The following MYH8 variants were observed in gnomAD, a reference collection of about 807,000 sequenced individuals.
MYH8 encodes myosin heavy chain 8.
A neutral mutation model predicts 233.2 loss-of-function variants in MYH8; 168 were observed. The observed-to-expected ratio is 0.72, with a 90% CI of 0.64 to 0.82. MYH8 has a LOEUF of 0.82. Ranked by LOEUF, MYH8 falls within the 40% of genes least tolerant of loss-of-function variation. The pLI is 0.00. For synonymous variants in MYH8, 785 were observed against 850.6 expected (o/e 0.92, Z 1.34); for missense variants, 1,995 against 2,327.8 (o/e 0.86, Z 2.94).
rs111567318 is a variant in MYH8 at position 10,392,597 on chromosome 17, T to G, written c.5513A>C (p.Glu1838Ala). ...EVENEQKRNAEAVKGLRKHER... is the reference protein window; with the variant it reads ...EVENEQKRNAAAVKGLRKHER... ...ATGTTTCCGTAAACCTTTAACAGCC[T>G]CTGCATTACGTTTCTGTTCATTTTC... The change falls in exon 38 of 40, where the codon GAG becomes GCG. Residue 1838 changes from glutamate to alanine, a missense_variant. By Grantham distance (107) the Glu-to-Ala change is moderately radical. This residue lies in a region of MYH8 where 1,498 missense variants were observed against 1,680.9 expected (regional missense o/e 0.89). Coordinates refer to ENST00000403437, the MANE Select transcript of MYH8 (RefSeq NM_002472.3). 9,183 of 1,614,214 alleles carry G rather than the reference T, an allele frequency of 5.7e-3. 43 individuals are homozygous for G. The highest frequency in any genetic ancestry group is 6.8e-3 in the Non-Finnish European group (8,064 of 1,180,030).
chr17:10,400,390 C>T lies in MYH8; in HGVS notation c.3735G>A (p.Lys1245=), dbSNP rs1313402800. Reference sequence around the variant, plus strand: ...TTCATTTAGAGACAGTATTGGGTACCTTGGCTTTGGAAATGGCCTCTGCGT... The same window carrying T: ...TTCATTTAGAGACAGTATTGGGTACTTTGGCTTTGGAAATGGCCTCTGCGT... ...SSNAEAISKA[K]GNLEKMCRSL... The change falls in exon 27 of 40, where the codon AAG becomes AAA. Residue 1245 remains lysine (K), a splice_region_variant and synonymous_variant. Transcript: ENST00000403437. This position sits in a 1 kb window ranked among gnomAD's most constrained non-coding sequence, Gnocchi z 4.0. The T allele has an allele frequency of 1.2e-6, 2 of 1,612,420 alleles. No homozygotes were observed. The highest frequency in any genetic ancestry group is 1.1e-5 in the South Asian group (1 of 91,062).
chr17:10,415,248 A>G lies in MYH8; in HGVS notation c.741+44T>C. On this transcript the variant is annotated intron_variant, in intron 8 of 39. Coordinates refer to ENST00000403437, the MANE Select transcript of MYH8 (RefSeq NM_002472.3). The surrounding 1 kb of genome is among the most constrained non-coding windows in gnomAD (Gnocchi z 4.1). ...AGATGCAAATGAAATAATAATTCAG[A>G]CGTGGCTACTCTGGAAGTTAGGGGT... The G allele has an allele frequency of 1.2e-6, 2 of 1,602,730 alleles. No individual in the cohort carries two copies. Among genetic ancestry groups the G allele is most frequent in the Non-Finnish European group, 1.7e-6 (2 of 1,169,680 alleles).
rs1212025624 is a variant in MYH8, at chr17:10,404,183, C to A, written c.2688+147G>T. On this transcript the variant is annotated intron_variant, in intron 22 of 39. Transcript: ENST00000403437. ...CTTGGAAATAATTGTGCCTTTTCTTCCCCATAGAATACTAAAAGATAAATG... is the reference window on the plus strand; with the variant it reads ...CTTGGAAATAATTGTGCCTTTTCTTACCCATAGAATACTAAAAGATAAATG... The A allele has an allele frequency of 6.3e-6, 6 of 951,690 alleles. No homozygotes were observed. The Admixed American group carries it at 1.6e-4, about 26-fold the overall frequency. The allele number at this position is 951,690 out of a possible 1,614,324, so 59.0% of individuals were successfully genotyped here.
At chr17:10,416,079 C>T (rs1045831819) in intron 5 of MYH8, among the ~76,000 whole-genome samples, 2 of 152,146 alleles carry the variant, frequency 1.3e-5, no homozygotes, top group African/African-American at 2.4e-5. Flanking sequence ...CAAACTGAAA[C>T]TCTGTGTCCC....
intron 16 of MYH8, 40 bp downstream of exon 16, chr17:10,409,239 T>G (rs2072222007): frequency 3.7e-6 from 6 of 1,613,478 alleles, no homozygotes; most frequent in Non-Finnish European, 5.1e-6. Context: ...TAACATTATG[T>G]GAGAATGGAT....
Position 10,419,923 on chromosome 17 carries a change from C to T in MYH8, c.210+95G>A, listed in dbSNP as rs1273706155. The T allele has an allele frequency of 1.4e-5, 18 of 1,330,172 alleles. No individual in the cohort carries two copies. Among genetic ancestry groups the T allele is most frequent in the Non-Finnish European group, 1.7e-5 (16 of 925,378 alleles). 82.4% of individuals were successfully genotyped at this position (1,330,172 alleles called of 1,614,324 possible). ...TCAACACTGACTAGAAGGGTGTTTGCATTGGCAACAGGCTTGGAGATTCCC... is the reference window on the plus strand; with the variant it reads ...TCAACACTGACTAGAAGGGTGTTTGTATTGGCAACAGGCTTGGAGATTCCC... On this transcript the variant is annotated intron_variant, in intron 3 of 39. Transcript: ENST00000403437. The surrounding 1 kb of genome is among the most constrained non-coding windows in gnomAD (Gnocchi z 4.0).
At chr17:10,404,975 G>A (rs920253148) in intron 21 of MYH8, among the ~76,000 whole-genome samples, 9 of 152,152 alleles carry the variant, frequency 5.9e-5, no homozygotes, top group African/African-American at 2.2e-4. Context: ...GTGATTGCAT[G>A]TTGATTGTGC....
At chr17:10,418,513 G>GT (rs1445655452) in intron 5 of MYH8, 132 bp downstream of exon 5, 10 of 1,542,314 alleles carry the variant, frequency 6.5e-6, no homozygotes, top group Admixed American at 1.7e-5. Flanking sequence ...AGCTGTGAAA[G>GT]TTTTTTGAAA....
chr17:10,405,129 A>G (rs1567685589), intron 21 of MYH8, among the ~76,000 whole-genome samples: 1 of 152,154 alleles, frequency 6.6e-6, no homozygotes, highest in African/African-American at 2.4e-5. Context: ...TATCCACTCT[A>G]TAAACTTTTT....
In MYH8 at chr17:10,393,991, C is replaced by CTTTTTTTTTTTT. The variant is rs35512526; in HGVS notation, c.5166+246_5166+257dup. Reference sequence around the variant, plus strand: ...TTATTTTTAAATAAAAAAGTAATAGCTTTTTTTTTTTTTTTTTTTTTTTTT... The same window carrying CTTTTTTTTTTTT: ...TTATTTTTAAATAAAAAAGTAATAGCTTTTTTTTTTTTTTTTTTTTTTTTTTTTTTTTTTTTT... On this transcript the variant is annotated intron_variant, in intron 35 of 39. Coordinates refer to ENST00000403437, the MANE Select transcript of MYH8 (RefSeq NM_002472.3). 3.1e-4 allele frequency among the ~76,000 whole-genome samples: 11 copies of CTTTTTTTTTTTT among 36,002 alleles called. 1 individual carries two copies. The highest frequency in any genetic ancestry group is 1.2e-3 in the African/African-American group (10 of 8,014). The allele number at this position is 36,002 out of a possible 152,430, so 23.6% of individuals were successfully genotyped here.
In MYH8 at chr17:10,412,459, C is replaced by A; in HGVS notation, c.1327G>T (p.Val443Phe). 1 of 1,614,246 alleles carries A rather than the reference C, an allele frequency of 6.2e-7. No individual in the cohort carries two copies. Among genetic ancestry groups the A allele is most frequent in the Non-Finnish European group, 8.5e-7 (1 of 1,180,054 alleles). The stretch of plus-strand genomic sequence containing the variant: ...TCCAGCTGCTGGTTGATGCGGGTGA[C>A]CATCCACAGGAACATCTTCTCGTAG... ...AVYEKMFLWMVTRINQQLDTK... is the reference protein window; with the variant it reads ...AVYEKMFLWMFTRINQQLDTK... The change falls in exon 14 of 40, where the codon GTC becomes TTC. Residue 443 changes from valine to phenylalanine, a missense_variant. Val to Phe is a conservative substitution (Grantham distance 50, BLOSUM62 -1). Around this residue, in one of 3 missense-constraint regions of MYH8, gnomAD observed 479 missense variants for 600.9 expected, o/e 0.80. Coordinates refer to ENST00000403437, the MANE Select transcript of MYH8 (RefSeq NM_002472.3).
At chr17:10,392,711 G>A (rs1555554964) in intron 37 of MYH8, 65 bp from the exon 38 acceptor site, 4 of 1,611,984 alleles carry the variant, frequency 2.5e-6, no homozygotes, top group African/African-American at 1.3e-5. Context: ...AAGACCTACT[G>A]AAGGCATGGG....
rs773945274 is a variant in MYH8 at position 10,415,254 on chromosome 17, CTA to C, written c.741+36_741+37del. On this transcript the variant is annotated intron_variant, in intron 8 of 39. Coordinates refer to ENST00000403437, the MANE Select transcript of MYH8 (RefSeq NM_002472.3). The surrounding 1 kb of genome is among the most constrained non-coding windows in gnomAD (Gnocchi z 4.1). ...AAATGAAATAATAATTCAGACGTGG[CTA>C]CTCTGGAAGTTAGGGGTTGAGACCA... 6 of 1,605,146 alleles carry C rather than the reference CTA, an allele frequency of 3.7e-6. No individual in the cohort carries two copies. The highest frequency in any genetic ancestry group is 5.1e-6 in the Non-Finnish European group (6 of 1,171,966).
rs2072285549 is a variant in MYH8, at chr17:10,415,787, A to G, written c.512-79T>C. ...TATTGAATCAGTTCAGATCAAACAC[A>G]GCTTGTTCTTTTTAACTTTTTGAAG... On this transcript the variant is annotated intron_variant, in intron 5 of 39. Coordinates refer to ENST00000403437, the MANE Select transcript of MYH8 (RefSeq NM_002472.3). The surrounding 1 kb of genome is among the most constrained non-coding windows in gnomAD (Gnocchi z 4.1). 4.1e-6 allele frequency: 6 copies of G among 1,481,310 alleles called. No homozygotes were observed. The highest frequency in any genetic ancestry group is 5.6e-6 in the Non-Finnish European group (6 of 1,080,442). 91.8% of individuals were successfully genotyped at this position (1,481,310 alleles called of 1,614,324 possible).
rs200906285 is a variant in MYH8, at chr17:10,392,956, C to T, written c.5338G>A (p.Ala1780Thr). The change falls in exon 37 of 40, where the codon GCC becomes ACC. Residue 1780 changes from alanine (A) to threonine (T), a missense_variant. Physicochemically the swap from Ala to Thr is moderately conservative, Grantham distance 58. Transcript: ENST00000403437. ...TTCTTCTTCATCCGCTCCAGGTGGGCGCTGGTGTCCTGTTCCTTCTTCAGC... is the reference window on the plus strand; with the variant it reads ...TTCTTCTTCATCCGCTCCAGGTGGGTGCTGGTGTCCTGTTCCTTCTTCAGC... ...EELKKEQDTSAHLERMKKNLE... is the reference protein window; with the variant it reads ...EELKKEQDTSTHLERMKKNLE... The T allele has an allele frequency of 1.0e-4, 168 of 1,614,188 alleles. No homozygotes were observed. The highest frequency in any genetic ancestry group is 1.3e-4 in the Non-Finnish European group (155 of 1,180,038).
In MYH8 at chr17:10,404,356, T is replaced by A; in HGVS notation, c.2662A>T (p.Asn888Tyr). The part of the protein sequence containing the change: ...EKMVTLLKEK[N>Y]DLQLQVQSEA... ...GATTGAACCTGGAGTTGCAGGTCAT[T>A]TTTCTCTTTTAAGAGAGTGACCATT... is the stretch of plus-strand genomic sequence containing the variant. Residue 888 changes from asparagine to tyrosine, a missense_variant, in exon 22 of 40, where the codon AAT becomes TAT. Around this residue, in one of 3 missense-constraint regions of MYH8, gnomAD observed 1,498 missense variants for 1,680.9 expected, o/e 0.89. Coordinates refer to ENST00000403437, the MANE Select transcript of MYH8 (RefSeq NM_002472.3). The A allele has an allele frequency of 6.2e-7, 1 of 1,613,998 alleles. No homozygotes were observed. Among genetic ancestry groups the A allele is most frequent in the Non-Finnish European group, 8.5e-7 (1 of 1,179,920 alleles).
At chr17:10,413,281 AT>A (rs1339078075) in intron 12 of MYH8, among the ~76,000 whole-genome samples, 1 of 152,208 alleles carries the variant, frequency 6.6e-6, no homozygotes, top group Non-Finnish European at 1.5e-5. Context: ...CTGCTGAAAC[AT>A]TTAGAGGAGG....
At position 10,408,936 on chromosome 17, in the gene MYH8, C is replaced by T. The variant is rs146346664; in HGVS notation, c.1965+161G>A. 2.4e-4 allele frequency among the ~76,000 whole-genome samples: 37 copies of T among 152,264 alleles called. No individual in the cohort carries two copies. The East Asian group carries it at 6.8e-3, about 28-fold the overall frequency. The stretch of plus-strand genomic sequence containing the variant: ...AATAAGGAATAATGGGTAAAGCATC[C>T]GTTCCTACAGGAGTAGTATTTCTTT... On this transcript the variant is annotated intron_variant, in intron 17 of 39. Coordinates refer to ENST00000403437, the MANE Select transcript of MYH8 (RefSeq NM_002472.3).
rs147967316 is a variant in MYH8, at chr17:10,413,558, G to A, written c.1147+344C>T. Among the ~76,000 whole-genome samples, 1,226 of 152,220 alleles carry A rather than the reference G, an allele frequency of 8.1e-3. 19 individuals carry two copies. Among genetic ancestry groups the A allele is most frequent in the African/African-American group, 0.028 (1,171 of 41,540 alleles). On this transcript the variant is annotated intron_variant, in intron 12 of 39. Transcript: ENST00000403437. ...AGATTCTCTGCTGTCAGTTCCTAGG[G>A]TCTTCCTATCTAGTGCTGAAATAGA... is the stretch of plus-strand genomic sequence containing the variant.
Sources: allele counts gnomAD v4.1 joint callset (sites outside exome capture counted in the v4.1 genomes callset), GRCh38; gene constraint gnomAD v4.1.1; regional missense constraint gnomAD v4.1.1; non-coding constraint Gnocchi (gnomAD v3.1); transcripts MANE v1.5; gene names NCBI Gene and HGNC (gene_info 2026-07-23, HGNC 2026-07-21).